COL23A1: variants seen among roughly 807,000 people sequenced by gnomAD.
COL23A1 encodes collagen type XXIII alpha 1 chain, also known as collagen alpha-1(XXIII) chain.
COL23A1 carries 97 observed loss-of-function variants against 99.3 expected under a neutral mutation model. The observed-to-expected ratio is 0.98, with a 90% CI of 0.83 to 1.16. COL23A1 has a LOEUF of 1.16. Ranked by LOEUF, COL23A1 falls within the 50% of genes most tolerant of loss-of-function variation. The pLI, the probability that COL23A1 is intolerant of heterozygous loss-of-function variation, is 0.00. For synonymous variants in COL23A1, 320 were observed against 308.2 expected (o/e 1.04, Z -0.40); for missense variants, 762 against 757.4 (o/e 1.01, Z -0.07).
chr5:178,290,233 C>G, intron 4 of COL23A1, 129 bp downstream of exon 4: 2 of 1,396,902 alleles, frequency 1.4e-6, no homozygotes, highest in Non-Finnish European at 2.0e-6. Flanking sequence ...CACCTGGCCA[C>G]TTTTTAATAG....
Position 178,246,424 on chromosome 5 carries a change from A to G in COL23A1, c.1326T>C (p.Gly442=). The change falls in exon 23 of 29, where the codon GGT becomes GGC. Residue 442 remains glycine, a synonymous_variant. Coordinates refer to ENST00000390654, the MANE Select transcript of COL23A1 (RefSeq NM_173465.4). ...KGLDGAKGEK[G]ASGERGPSGL... The stretch of plus-strand genomic sequence containing the variant: ...CGCTGGGGCCTCTCTCACCCGACGC[A>G]CCCTTCTCTCCCTTTGCTCCATCCA... The G allele has an allele frequency of 4.4e-6, 7 of 1,577,632 alleles. No homozygotes were observed. Among genetic ancestry groups the G allele is most frequent in the Non-Finnish European group, 6.0e-6 (7 of 1,160,884 alleles).
At chr5:178,290,402 T>G (rs749522786) in intron 3 of COL23A1, 33 bp from the exon 4 acceptor site, 1 of 1,614,008 alleles carries the variant, frequency 6.2e-7, no homozygotes, top group Non-Finnish European at 8.5e-7. Flanking sequence ...CCACAGTCAG[T>G]GTGGAAGGCA....
chr5:178,547,638 CCACA>C (rs1410453368), intron 2 of COL23A1, among the ~76,000 whole-genome samples: 1 of 18,210 alleles, frequency 5.5e-5, no homozygotes, highest in Non-Finnish European at 1.1e-4. Context: ...CCACACCCCC[CCACA>C]CACACACACC....
intron 5 of COL23A1, 33 bp from the exon 6 acceptor site, chr5:178,270,396 A>C: frequency 6.2e-7 from 1 of 1,613,092 alleles, no homozygotes. Context: ...CACAGGTTAC[A>C]CACGGGGATG....
At chr5:178,241,572 G>T (rs1048665028) in intron 27 of COL23A1, among the ~76,000 whole-genome samples, 15 of 152,208 alleles carry the variant, frequency 9.9e-5, no homozygotes, top group Admixed American at 4.6e-4. Flanking sequence ...CGATGGGGCT[G>T]GGCACTCACT....
intron 2 of COL23A1, among the ~76,000 whole-genome samples, chr5:178,403,523 C>T (rs62389400): frequency 0.012 from 1,860 of 152,338 alleles, 16 homozygotes; most frequent in Admixed American, 0.027. Flanking sequence ...GACGCAGAGG[C>T]CCCGGTGCCT....
rs913576405 is a variant in COL23A1 at position 178,579,651 on chromosome 5, A to G, written c.294+10253T>C. Among the ~76,000 whole-genome samples the G allele has an allele frequency of 1.2e-4, 19 of 152,006 alleles. 1 individual carries two copies. The highest frequency in any genetic ancestry group is 1.2e-3 in the Admixed American group (18 of 15,260). On this transcript the variant is annotated intron_variant, in intron 1 of 28. Coordinates refer to ENST00000390654, the MANE Select transcript of COL23A1 (RefSeq NM_173465.4). Reference sequence around the variant, plus strand: ...GTACTTTTAGGAGAGACGGGGTTTCACCATGTTTGCCAGGCTGGTCTCGAA... The same window carrying G: ...GTACTTTTAGGAGAGACGGGGTTTCGCCATGTTTGCCAGGCTGGTCTCGAA...
At chr5:178,249,710 ACACACACTCTCTCT>A (rs1764912736) in intron 18 of COL23A1, among the ~76,000 whole-genome samples, 2 of 97,910 alleles carry the variant, frequency 2.0e-5, no homozygotes, top group South Asian at 4.3e-4. Flanking sequence ...ACACACACAC[ACACACACTCTCTCT>A]CTCTCTCTCT....
rs117339046 is a variant in COL23A1, at chr5:178,509,675, C to A, written c.361+51007G>T. Among the ~76,000 whole-genome samples, 24 of 152,250 alleles carry A rather than the reference C, an allele frequency of 1.6e-4. No individual in the cohort carries two copies. The East Asian group carries it at 4.6e-3, about 29-fold the overall frequency. ...CACTGCCAAAACACACTGACCTTCC[C>A]GCTGTGGCCACACGGCACTAACCAG... On this transcript the variant is annotated intron_variant, in intron 2 of 28. Transcript: ENST00000390654.
intron 2 of COL23A1, among the ~76,000 whole-genome samples, chr5:178,460,440 G>A (rs1391123392): frequency 6.6e-6 from 1 of 151,766 alleles, no homozygotes; most frequent in African/African-American, 2.4e-5. Flanking sequence ...GGAAAGCTCT[G>A]TCAAGTGGAG....
Position 178,329,140 on chromosome 5 carries a change from C to A in COL23A1, c.362-22221G>T, listed in dbSNP as rs149976156. Among the ~76,000 whole-genome samples, 10 of 152,354 alleles carry A rather than the reference C, an allele frequency of 6.6e-5. No homozygotes were observed. The East Asian group carries it at 1.9e-3, about 29-fold the overall frequency. ...AAGTGTCAGCTGGATTTTCTGCTCACTGTCCCCCATAGCCTGCTAGAAAGT... is the reference window on the plus strand; with the variant it reads ...AAGTGTCAGCTGGATTTTCTGCTCAATGTCCCCCATAGCCTGCTAGAAAGT... On this transcript the variant is annotated intron_variant, in intron 2 of 28. Coordinates refer to ENST00000390654, the MANE Select transcript of COL23A1 (RefSeq NM_173465.4).
At chr5:178,320,805 C>T (rs534867571) in intron 2 of COL23A1, among the ~76,000 whole-genome samples, 15 of 152,336 alleles carry the variant, frequency 9.8e-5, no homozygotes, top group African/African-American at 3.6e-4. Context: ...AGGTGCCTCC[C>T]GGTGTCTCAC....
At chr5:178,499,873 A>C (rs1758426495) in intron 2 of COL23A1, among the ~76,000 whole-genome samples, 1 of 152,246 alleles carries the variant, frequency 6.6e-6, no homozygotes, top group Non-Finnish European at 1.5e-5. Context: ...CTTGACAATA[A>C]AAAAGAACAA....
intron 2 of COL23A1, among the ~76,000 whole-genome samples, chr5:178,503,147 C>T (rs373363776): frequency 1.3e-5 from 2 of 152,252 alleles, no homozygotes; most frequent in African/African-American, 2.4e-5. Flanking sequence ...TTTGGGAGGC[C>T]GAGGCGGGTG....
intron 2 of COL23A1, among the ~76,000 whole-genome samples, chr5:178,404,149 C>A (rs1044216262): frequency 6.6e-6 from 1 of 152,254 alleles, no homozygotes; most frequent in Non-Finnish European, 1.5e-5. Context: ...CGCGGAGCGC[C>A]TACTGTGTGC....
intron 1 of COL23A1, among the ~76,000 whole-genome samples, chr5:178,568,707 C>CAGCA: frequency 6.6e-6 from 1 of 152,340 alleles, no homozygotes; most frequent in East Asian, 1.9e-4. Flanking sequence ...TGCCCTTTGT[C>CAGCA]TGGTTCCTTT....
intron 1 of COL23A1, among the ~76,000 whole-genome samples, chr5:178,579,878 C>G (rs1219654874): frequency 6.6e-6 from 1 of 152,218 alleles, no homozygotes; most frequent in Non-Finnish European, 1.5e-5. Context: ...TGCCATGAGG[C>G]TGTGGAAAGG....
At chr5:178,265,269 G>C (rs1755816248) in intron 8 of COL23A1, among the ~76,000 whole-genome samples, 1 of 152,228 alleles carries the variant, frequency 6.6e-6, no homozygotes, top group Non-Finnish European at 1.5e-5. Flanking sequence ...CCAGGGTCCT[G>C]ATCAAAATAT....
intron 12 of COL23A1, 152 bp from the exon 13 acceptor site, chr5:178,257,719 C>G: frequency 1.3e-6 from 1 of 785,528 alleles, no homozygotes; most frequent in Non-Finnish European, 2.1e-6. Context: ...CTTGCCCCTC[C>G]AGGGCAGGTG....
Sources: gnomAD v4.1 joint callset for allele counts (sites outside exome capture counted in the v4.1 genomes callset) on GRCh38, gnomAD v4.1.1 for gene constraint, MANE v1.5 for transcripts, NCBI Gene and HGNC (gene_info 2026-07-23, HGNC 2026-07-21) for gene names.